Variants in DLGAP2 observed in about 807,000 individuals in gnomAD.
DLGAP2 encodes the protein disks large-associated protein 2.
A neutral mutation model predicts 100.3 loss-of-function variants in DLGAP2; 26 were observed. The observed-to-expected ratio is 0.26, with a 90% confidence interval of 0.19 to 0.36. The LOEUF (loss-of-function observed/expected upper bound fraction) is 0.36. DLGAP2 is among the 10% of genes least tolerant of loss of function. The pLI is 1.00. For synonymous variants in DLGAP2, 886 were observed against 630.1 expected, an observed-to-expected ratio of 1.41 and a Z score of -6.08; for missense variants, 1,858 against 1,453.2, an observed-to-expected ratio of 1.28 and a Z score of -4.53.
intron 2 of DLGAP2, among the ~76,000 whole-genome samples, chr8:1,040,913 A>T (rs527743585): frequency 2.0e-4 from 31 of 152,094 alleles, no homozygotes; most frequent in African/African-American, 6.5e-4. Flanking sequence ...CCCTCTTTTG[A>T]TCTAGGCTGT....
At chr8:861,829 C>G (rs1797397641) in intron 1 of DLGAP2, among the ~76,000 whole-genome samples, 1 of 152,202 alleles carries the variant, frequency 6.6e-6, no homozygotes, top group Non-Finnish European at 1.5e-5. Context: ...GGTGGGTGTT[C>G]TGCTGTTTTT....
chr8:1,082,708 G>T (rs147884095), intron 2 of DLGAP2, among the ~76,000 whole-genome samples: 2,112 of 152,310 alleles, frequency 0.014, 24 homozygotes, highest in Non-Finnish European at 0.019. Flanking sequence ...CACAGGAAGA[G>T]GGTGTGCACT....
intron 6 of DLGAP2, among the ~76,000 whole-genome samples, chr8:1,597,494 C>T (rs1179632644): frequency 3.3e-5 from 5 of 151,962 alleles, no homozygotes; most frequent in Non-Finnish European, 5.9e-5. Context: ...TTCTTCCTAT[C>T]CATGATCATG....
chr8:1,238,573 G>A (rs1288203128), intron 2 of DLGAP2, among the ~76,000 whole-genome samples: 72 of 67,958 alleles, frequency 1.1e-3, no homozygotes, highest in Non-Finnish European at 1.8e-3. Flanking sequence ...CTCTCCCATG[G>A]CGCCGTGTCT....
chr8:759,269 C>G (rs76742478), intron 1 of DLGAP2, among the ~76,000 whole-genome samples: 16,857 of 129,802 alleles, frequency 0.13, 1,176 homozygotes, highest in East Asian at 0.43. Flanking sequence ...CAATACCCCC[C>G]ACAGCCTCCC....
intron 2 of DLGAP2, among the ~76,000 whole-genome samples, chr8:1,208,889 TA>T (rs1456924323): frequency 6.7e-6 from 1 of 150,092 alleles, no homozygotes; most frequent in Non-Finnish European, 1.5e-5. Flanking sequence ...AATAAATAAA[TA>T]AATAAATAAA....
chr8:1,220,434 G>T (rs1208052613), intron 2 of DLGAP2, among the ~76,000 whole-genome samples: 1 of 152,124 alleles, frequency 6.6e-6, no homozygotes, highest in African/African-American at 2.4e-5. Context: ...TCTTGGTGTT[G>T]ATCTCTGTTT....
chr8:852,494 C>G (rs1222940556), intron 1 of DLGAP2, among the ~76,000 whole-genome samples: 1 of 152,212 alleles, frequency 6.6e-6, no homozygotes, highest in African/African-American at 2.4e-5. Flanking sequence ...GAATTATTAG[C>G]TTGATTTTAC....
At chr8:1,582,606 C>A (rs6989505) in intron 6 of DLGAP2, among the ~76,000 whole-genome samples, 13 of 151,576 alleles carry the variant, frequency 8.6e-5, no homozygotes, top group African/African-American at 1.9e-4. Context: ...TTTTCCCCCG[C>A]CAAGATGGAG....
At chr8:1,326,600 T>C (rs1236326811) in intron 3 of DLGAP2, among the ~76,000 whole-genome samples, 3 of 150,600 alleles carry the variant, frequency 2.0e-5, no homozygotes, top group Non-Finnish European at 4.5e-5. Context: ...ACACGGCGCG[T>C]GCTCGGTCTC....
chr8:970,505 T>G (rs1420347267), intron 2 of DLGAP2, among the ~76,000 whole-genome samples: 2 of 152,176 alleles, frequency 1.3e-5, no homozygotes, highest in Non-Finnish European at 2.9e-5. Context: ...TTGGATACAT[T>G]TCTTCTGTAA....
At chr8:1,627,914 C>A (rs1797547591) in intron 7 of DLGAP2, among the ~76,000 whole-genome samples, 1 of 151,324 alleles carries the variant, frequency 6.6e-6, no homozygotes, top group South Asian at 2.1e-4. Context: ...ACCTCACATT[C>A]TTTCTGACTT....
At chr8:1,191,377 A>G (rs182366200) in intron 2 of DLGAP2, among the ~76,000 whole-genome samples, 24 of 152,174 alleles carry the variant, frequency 1.6e-4, no homozygotes, top group East Asian at 3.9e-4. Context: ...TCACCGTGTT[A>G]GCCAGGATGG....
At chr8:1,313,846 C>G (rs934661785) in intron 3 of DLGAP2, among the ~76,000 whole-genome samples, 6 of 151,960 alleles carry the variant, frequency 3.9e-5, no homozygotes, top group African/African-American at 1.5e-4. Context: ...TAACCATCCC[C>G]CTCTCATATT....
At chr8:1,190,364 C>A (rs1364884816) in intron 2 of DLGAP2, among the ~76,000 whole-genome samples, 1 of 152,106 alleles carries the variant, frequency 6.6e-6, no homozygotes, top group Non-Finnish European at 1.5e-5. Context: ...TGTTAGTTGG[C>A]AGTTATGTGC....
chr8:1,519,928 A>T (rs892067540), intron 4 of DLGAP2, among the ~76,000 whole-genome samples: 1 of 152,216 alleles, frequency 6.6e-6, no homozygotes, highest in Non-Finnish European at 1.5e-5. Context: ...GTTTGGGTCT[A>T]TCCTCCCACA....
At chr8:1,312,892 A>G (rs1329342629) in intron 3 of DLGAP2, among the ~76,000 whole-genome samples, 1 of 152,234 alleles carries the variant, frequency 6.6e-6, no homozygotes, top group East Asian at 1.9e-4. Context: ...GCATCTGTGC[A>G]GGGAGCACCA....
chr8:1,371,121 C>T (rs1802227003), intron 3 of DLGAP2, among the ~76,000 whole-genome samples: 1 of 152,202 alleles, frequency 6.6e-6, no homozygotes. Flanking sequence ...TTCTTGCCTC[C>T]CAGATGCATG....
rs896413800 is a variant in DLGAP2, at chr8:763,333, T to G, written c.18+25508T>G. Among the ~76,000 whole-genome samples the G allele has an allele frequency of 2.0e-5, 3 of 152,228 alleles. No individual in the cohort carries two copies. The East Asian group carries it at 5.8e-4, about 29-fold the overall frequency. On this transcript the variant is annotated intron_variant, in intron 1 of 14. Coordinates refer to ENST00000637795, the MANE Select transcript of DLGAP2 (RefSeq NM_001346810.2). ...GAAGTGAAGATCACTGTTACTGTTGTCACTCATCTTCTTGCATATCAAGAT... is the reference window on the plus strand; with the variant it reads ...GAAGTGAAGATCACTGTTACTGTTGGCACTCATCTTCTTGCATATCAAGAT...
Sources: gnomAD v4.1 joint callset for allele counts (sites outside exome capture counted in the v4.1 genomes callset) on GRCh38, gnomAD v4.1.1 for gene constraint, MANE v1.5 for transcripts, NCBI Gene and HGNC (gene_info 2026-07-23, HGNC 2026-07-21) for gene names.